Variants in PHF14 observed in about 807,000 individuals in gnomAD.
PHF14 encodes PHD finger protein 14.
Under a neutral mutation model 117.9 loss-of-function variants are expected in PHF14, and 55 were observed. The observed-to-expected ratio is 0.47, with a 90% CI of 0.38 to 0.58. The LOEUF is 0.58. Among genes scored for constraint, PHF14 ranks in the 20% least tolerant of loss-of-function variants. The probability of loss-of-function intolerance (pLI) is 0.00; values close to 1 mark genes in which losing one functional copy is unlikely to be tolerated. For missense variants in PHF14, 978 were observed against 1,122.2 expected (o/e 0.87, Z 1.84); for synonymous variants, 409 against 368.6 (o/e 1.11, Z -1.26).
intron 16 of PHF14, among the ~76,000 whole-genome samples, chr7:11,076,878 GTT>G (rs111330414): frequency 4.4e-5 from 6 of 135,356 alleles, no homozygotes; most frequent in African/African-American, 5.3e-5. Flanking sequence ...TTCAAATATG[GTT>G]TTTTTTTTTT....
chr7:11,008,469 A>G (rs897676451), intron 4 of PHF14, among the ~76,000 whole-genome samples: 2 of 152,130 alleles, frequency 1.3e-5, no homozygotes, highest in Non-Finnish European at 2.9e-5. Context: ...CAGTGGCAGC[A>G]TTGGATTCTC....
intron 3 of PHF14, among the ~76,000 whole-genome samples, chr7:10,989,868 T>G (rs547786220): frequency 6.6e-6 from 1 of 152,300 alleles, no homozygotes; most frequent in African/African-American, 2.4e-5. Flanking sequence ...TGGCCTCAAG[T>G]GATCCTCCTG....
rs899756252 is a variant in PHF14, at chr7:11,096,973, C to CTTT, written c.2655-14356_2655-14354dup. 2.6e-3 allele frequency among the ~76,000 whole-genome samples: 281 copies of CTTT among 108,538 alleles called. 1 individual carries two copies. The highest frequency in any genetic ancestry group is 7.2e-3 in the Middle Eastern group (1 of 138). 71.2% of individuals were successfully genotyped at this position (108,538 alleles called of 152,430 possible). A position where few individuals can be genotyped will look rare whatever the true frequency, so the allele number is the denominator to read the frequency against. On this transcript the variant is annotated intron_variant, in intron 16 of 17. Transcript: ENST00000634607. ...TTGCCCCAACAATAGTAGACTAGAA[C>CTTT]TTTTTTTTTTTTTTTTTTTTTTTGA... is the stretch of plus-strand genomic sequence containing the variant.
At chr7:11,045,468 A>G (rs1784633744) in intron 13 of PHF14, among the ~76,000 whole-genome samples, 1 of 152,198 alleles carries the variant, frequency 6.6e-6, no homozygotes, top group Admixed American at 6.5e-5. Context: ...TTACTACTAA[A>G]TACCCTGTAA....
intron 5 of PHF14, among the ~76,000 whole-genome samples, chr7:11,015,842 T>C (rs1159362287): frequency 6.7e-6 from 1 of 150,046 alleles, no homozygotes; most frequent in Non-Finnish European, 1.5e-5. Flanking sequence ...TTTTTTTTGG[T>C]AACTCTTCCA....
intron 4 of PHF14, among the ~76,000 whole-genome samples, chr7:10,993,834 C>T (rs1052036270): frequency 2.7e-4 from 41 of 151,866 alleles, no homozygotes; most frequent in African/African-American, 9.4e-4. Flanking sequence ...AATGGTGAAA[C>T]GACGTCTCTG....
chr7:11,141,331 T>C (rs762721263), intron 17 of PHF14, among the ~76,000 whole-genome samples: 2 of 152,064 alleles, frequency 1.3e-5, no homozygotes, highest in African/African-American at 4.8e-5. Flanking sequence ...TCTGAAGATA[T>C]GTAATAAGTA....
chr7:11,029,001 C>G (rs1233992643), intron 7 of PHF14, among the ~76,000 whole-genome samples, 183 bp downstream of exon 7: 1 of 152,008 alleles, frequency 6.6e-6, no homozygotes, highest in African/African-American at 2.4e-5. Context: ...TAAAGCTAGT[C>G]AGACGTTCAG....
At chr7:11,011,568 A>T (rs1177223896) in intron 4 of PHF14, among the ~76,000 whole-genome samples, 1 of 152,132 alleles carries the variant, frequency 6.6e-6, no homozygotes, top group Non-Finnish European at 1.5e-5. Context: ...GGATGTTGGG[A>T]TGGTTGCTAT....
chr7:11,035,681 A>C lies in PHF14; in HGVS notation c.1497A>C (p.Ala499=), dbSNP rs59807745. 2.5e-6 allele frequency: 4 copies of C among 1,609,864 alleles called. 1 individual carries two copies. Among genetic ancestry groups the C allele is most frequent in the African/African-American group, 1.3e-5 (1 of 74,832 alleles). Residue 499 remains alanine (A), a synonymous_variant, in exon 8 of 18, where the codon GCA becomes GCC. Coordinates refer to ENST00000634607, the MANE Select transcript of PHF14 (RefSeq NM_001007157.2). ...DPFFAYCKQH[A]DRLDRKWKRK... Reference sequence around the variant, plus strand: ...TCTTTGCTTATTGTAAGCAACATGCAGATAGGTTAGACAGAAAGTGGAAGA... The same window carrying C: ...TCTTTGCTTATTGTAAGCAACATGCCGATAGGTTAGACAGAAAGTGGAAGA...
At chr7:11,091,769 A>G (rs1004049974) in intron 16 of PHF14, among the ~76,000 whole-genome samples, 1 of 152,184 alleles carries the variant, frequency 6.6e-6, no homozygotes, top group Non-Finnish European at 1.5e-5. Flanking sequence ...AAAATAAAAT[A>G]AAAGTGAATA....
chr7:11,070,735 G>T (rs538229839), intron 16 of PHF14, among the ~76,000 whole-genome samples: 153 of 152,304 alleles, frequency 1.0e-3, no homozygotes, highest in African/African-American at 3.5e-3. Context: ...TGTCCACGAG[G>T]TGAGTATAGC....
intron 16 of PHF14, among the ~76,000 whole-genome samples, chr7:11,069,722 T>TTTGG (rs762412591): frequency 7.8e-4 from 116 of 149,424 alleles, no homozygotes; most frequent in Non-Finnish European, 1.3e-3. Context: ...TTCCTTTTTT[T>TTTGG]TTGGTTGGTT....
In PHF14 at chr7:11,104,260, G is replaced by T. The variant is rs1246655132; in HGVS notation, c.2655-7090G>T. ...TGGTGGATATTCTATTCCACATTTG[G>T]TGCTAGTCCTAAGAATCTTTGTCAC... On this transcript the variant is annotated intron_variant, in intron 16 of 17. Transcript: ENST00000634607. 7.1e-6 allele frequency: 7 copies of T among 984,332 alleles called. No individual in the cohort carries two copies. The East Asian group carries it at 3.4e-4, about 48-fold the overall frequency. The allele number at this position is 984,332 out of a possible 1,614,324, so 61.0% of individuals were successfully genotyped here.
chr7:11,030,013 A>G (rs1784066996), intron 7 of PHF14, among the ~76,000 whole-genome samples: 1 of 151,984 alleles, frequency 6.6e-6, no homozygotes, highest in Non-Finnish European at 1.5e-5. Context: ...ATCTTATAGG[A>G]ATTGTATTTT....
At chr7:11,037,237 C>A in intron 10 of PHF14, 146 bp downstream of exon 10, 2 of 606,006 alleles carry the variant, frequency 3.3e-6, no homozygotes, top group Non-Finnish European at 2.8e-6. Context: ...TCCTCATTAG[C>A]TTCATTATCA....
At chr7:11,151,556 CAAAAT>C (rs1788702095) in intron 17 of PHF14, among the ~76,000 whole-genome samples, 1 of 152,090 alleles carries the variant, frequency 6.6e-6, no homozygotes, top group Non-Finnish European at 1.5e-5. Flanking sequence ...GACCCTATCT[CAAAAT>C]AAATAAATTT....
At chr7:11,102,544 C>T in intron 16 of PHF14, 1 of 1,611,014 alleles carries the variant, frequency 6.2e-7, no homozygotes, top group Non-Finnish European at 8.5e-7. Context: ...TCCCGGAAAC[C>T]TCTTTTATAA....
intron 17 of PHF14, among the ~76,000 whole-genome samples, chr7:11,135,168 CTG>C (rs1412024804): frequency 6.6e-6 from 1 of 152,098 alleles, no homozygotes. Context: ...ATTTAGGTAA[CTG>C]TGTAAACTTG....
Sources: allele counts gnomAD v4.1 joint callset (sites outside exome capture counted in the v4.1 genomes callset), GRCh38; gene constraint gnomAD v4.1.1; transcripts MANE v1.5; gene names NCBI Gene and HGNC (gene_info 2026-07-23, HGNC 2026-07-21).